The following FOXP1 variants were observed in gnomAD, a reference collection of about 807,000 sequenced individuals.
FOXP1 encodes forkhead box protein P1.
FOXP1 carries 15 observed loss-of-function variants against 98.2 expected under a neutral mutation model. The observed-to-expected ratio is 0.15, with a 90% CI of 0.10 to 0.24. The LOEUF is 0.24. Ranked by LOEUF, FOXP1 falls within the 10% of genes least tolerant of loss-of-function variation. The pLI, the probability that FOXP1 is intolerant of heterozygous loss-of-function variation, is 1.00. For synonymous variants in FOXP1, 371 were observed against 314.5 expected, an observed-to-expected ratio of 1.18 and a Z score of -1.90; for missense variants, 633 against 848.5, an observed-to-expected ratio of 0.75 and a Z score of 3.15.
intron 2 of FOXP1, among the ~76,000 whole-genome samples, chr3:71,521,250 G>A (rs2042962586): frequency 6.6e-6 from 1 of 152,196 alleles, no homozygotes; most frequent in East Asian, 1.9e-4. Context: ...GGGGCCAGGA[G>A]GCCGGGCGTG....
intron 14 of FOXP1, among the ~76,000 whole-genome samples, chr3:70,984,568 T>G (rs1424818489): frequency 6.6e-6 from 1 of 152,230 alleles, no homozygotes; most frequent in African/African-American, 2.4e-5. Flanking sequence ...TGTGACTGAC[T>G]ACTTGTCACG....
chr3:71,534,505 T>C (rs914149744), intron 2 of FOXP1, among the ~76,000 whole-genome samples: 1 of 152,238 alleles, frequency 6.6e-6, no homozygotes, highest in Non-Finnish European at 1.5e-5. Context: ...CAACTCCACT[T>C]CTCACTAGAA....
intron 2 of FOXP1, chr3:71,581,105 T>G: frequency 2.1e-6 from 2 of 972,124 alleles, no homozygotes; most frequent in Non-Finnish European, 2.4e-6. Flanking sequence ...AGTTTCATTT[T>G]GGGTCTTCTG....
chr3:70,987,216 G>GA (rs75338973), intron 14 of FOXP1, among the ~76,000 whole-genome samples: 11,093 of 152,204 alleles, frequency 0.073, 716 homozygotes, highest in East Asian at 0.35. Flanking sequence ...GAGAATTTTA[G>GA]AAACGTAAGA....
At chr3:71,506,916 T>C (rs534034603) in intron 2 of FOXP1, among the ~76,000 whole-genome samples, 8 of 152,334 alleles carry the variant, frequency 5.3e-5, no homozygotes, top group African/African-American at 1.7e-4. Context: ...TGAAAGTCCC[T>C]ACCTCCAAGC....
chr3:71,395,892 T>G (rs1194506468), intron 3 of FOXP1, among the ~76,000 whole-genome samples: 1 of 152,176 alleles, frequency 6.6e-6, no homozygotes, highest in Non-Finnish European at 1.5e-5. Flanking sequence ...TATGAATGAC[T>G]TGGCTATATT....
intron 6 of FOXP1, among the ~76,000 whole-genome samples, chr3:71,161,074 T>C (rs2061109338): frequency 1.3e-5 from 2 of 152,208 alleles, no homozygotes; most frequent in African/African-American, 4.8e-5. Context: ...TGTGGGTTTC[T>C]GAGTCACACG....
chr3:71,255,126 C>T (rs1475585630), intron 5 of FOXP1, among the ~76,000 whole-genome samples: 1 of 152,132 alleles, frequency 6.6e-6, no homozygotes, highest in Non-Finnish European at 1.5e-5. Flanking sequence ...CAAAATCTTC[C>T]CACAATTAAC....
intron 7 of FOXP1, among the ~76,000 whole-genome samples, chr3:71,091,546 T>C (rs1365956617): frequency 6.6e-6 from 1 of 152,034 alleles, no homozygotes; most frequent in Non-Finnish European, 1.5e-5. Context: ...AACTGAGCTT[T>C]ACTTGGACAA....
At chr3:71,476,371 A>G (rs2089843108) in intron 3 of FOXP1, among the ~76,000 whole-genome samples, 1 of 149,434 alleles carries the variant, frequency 6.7e-6, no homozygotes, top group South Asian at 2.1e-4. Flanking sequence ...TTGGTTAACT[A>G]TTTTCCTTCT....
chr3:71,393,488 G>A (rs1365853530), intron 3 of FOXP1, among the ~76,000 whole-genome samples: 1 of 151,952 alleles, frequency 6.6e-6, no homozygotes, highest in African/African-American at 2.4e-5. Context: ...TTACGCAGTG[G>A]ATGCTAATTA....
At chr3:71,501,733 C>T (rs772054726) in intron 2 of FOXP1, among the ~76,000 whole-genome samples, 2 of 152,144 alleles carry the variant, frequency 1.3e-5, no homozygotes, top group Non-Finnish European at 2.9e-5. Context: ...TAATTTAATG[C>T]CACTAACCAC....
chr3:71,305,426 G>A (rs898401258), intron 4 of FOXP1, among the ~76,000 whole-genome samples: 3 of 152,124 alleles, frequency 2.0e-5, no homozygotes, highest in Non-Finnish European at 4.4e-5. Context: ...ATGAAGAGAC[G>A]ATTCGATTTC....
chr3:71,200,194 C>T (rs977805681), intron 5 of FOXP1, among the ~76,000 whole-genome samples: 1 of 151,484 alleles, frequency 6.6e-6, no homozygotes, highest in African/African-American at 2.4e-5. Flanking sequence ...AGAGCCGATT[C>T]AGCACTTGGC....
intron 2 of FOXP1, among the ~76,000 whole-genome samples, chr3:71,578,239 C>A (rs569740611): frequency 6.6e-6 from 1 of 152,242 alleles, no homozygotes; most frequent in South Asian, 2.1e-4. Flanking sequence ...AGTAGGAGCT[C>A]TTCAGAGGGT....
chr3:71,416,156 A>G (rs1475021970), intron 3 of FOXP1, among the ~76,000 whole-genome samples: 1 of 152,200 alleles, frequency 6.6e-6, no homozygotes, highest in African/African-American at 2.4e-5. Context: ...ATCAAAATAG[A>G]AACAAAGATG....
intron 3 of FOXP1, among the ~76,000 whole-genome samples, chr3:71,484,701 C>T (rs1224546966): frequency 6.6e-6 from 1 of 152,090 alleles, no homozygotes; most frequent in Admixed American, 6.5e-5. Flanking sequence ...CTGAGGCTAT[C>T]CACTCAACTT....
intron 11 of FOXP1, among the ~76,000 whole-genome samples, chr3:71,018,766 G>A (rs2044919509): frequency 6.6e-6 from 1 of 152,222 alleles, no homozygotes; most frequent in African/African-American, 2.4e-5. Flanking sequence ...GGTACAGGGA[G>A]TCAGGAGTAG....
At chr3:70,970,664 G>T in intron 19 of FOXP1, 72 bp downstream of exon 19, 1 of 1,172,436 alleles carries the variant, frequency 8.5e-7, no homozygotes, top group Non-Finnish European at 1.3e-6. Context: ...TTAGAGCAAG[G>T]CTAATATATT....
Sources: allele counts gnomAD v4.1 joint callset (sites outside exome capture counted in the v4.1 genomes callset), GRCh38; gene constraint gnomAD v4.1.1; transcripts MANE v1.5; gene names NCBI Gene and HGNC (gene_info 2026-07-23, HGNC 2026-07-21).